TTLL6: variants seen among roughly 807,000 people sequenced by gnomAD.
The protein encoded by TTLL6 is tubulin tyrosine ligase like 6.
In TTLL6, 75 loss-of-function variants were observed where a neutral mutation model predicts 96.4. That is an observed-to-expected ratio of 0.78 (90% CI 0.65 to 0.94). TTLL6 has a LOEUF of 0.94. Among genes scored for constraint, TTLL6 ranks in the 40% least tolerant of loss-of-function variants. TTLL6 has a pLI of 0.00. For synonymous variants in TTLL6, 411 were observed against 419.4 expected (o/e 0.98, Z 0.24); for missense variants, 1,030 against 1,093.0 (o/e 0.94, Z 0.81).
At chr17:48,775,474 A>G (rs1011250184) in intron 13 of TTLL6, among the ~76,000 whole-genome samples, 3 of 151,298 alleles carry the variant, frequency 2.0e-5, no homozygotes, top group East Asian at 1.9e-4. Context: ...CCATATGATT[A>G]TATCACTTGA....
At chr17:48,784,416 T>A (rs1234617945) in intron 13 of TTLL6, among the ~76,000 whole-genome samples, 4 of 150,124 alleles carry the variant, frequency 2.7e-5, no homozygotes, top group South Asian at 2.1e-4. Context: ...AAAAAAAAAA[T>A]AAGATACACA....
chr17:48,804,515 A>G, intron 2 of TTLL6: 1 of 629,068 alleles, frequency 1.6e-6, no homozygotes, highest in South Asian at 1.5e-5. Flanking sequence ...GCTATTTTTT[A>G]AAGGCATCCT....
chr17:48,805,019 T>C, intron 1 of TTLL6, 28 bp from the exon 2 acceptor site: 1 of 1,527,734 alleles, frequency 6.5e-7, no homozygotes, highest in South Asian at 1.2e-5. Flanking sequence ...GGAGCCGCAG[T>C]TACAGAGATC....
In TTLL6 at chr17:48,786,383, C is replaced by T. The variant is rs188346334; in HGVS notation, c.1590-48G>A. On this transcript the variant is annotated intron_variant, in intron 11 of 15. Coordinates refer to ENST00000393382, the MANE Select transcript of TTLL6 (RefSeq NM_001130918.3). ...CATCATGGGGGTTAGAAATGCGCTG[C>T]GCAGGCAGGCATTCTCCTTGAGGGA... The T allele has an allele frequency of 2.0e-4, 319 of 1,610,706 alleles. 1 individual carries two copies. Among genetic ancestry groups the T allele is most frequent in the Admixed American group, 1.4e-3 (85 of 59,842 alleles).
rs1386330738 is a variant in TTLL6, at chr17:48,799,780, A to C, written c.612-20T>G. 1.3e-6 allele frequency: 2 copies of C among 1,549,420 alleles called. No homozygotes were observed. The highest frequency in any genetic ancestry group is 2.4e-5 in the South Asian group (2 of 83,970). ...CCCCAGCTACCAGAGCAGGGAGGGA[A>C]CAAGATACATCTTTAGCTGGGGAGC... is the stretch of plus-strand genomic sequence containing the variant. On this transcript the variant is annotated intron_variant, in intron 5 of 15. Coordinates refer to ENST00000393382, the MANE Select transcript of TTLL6 (RefSeq NM_001130918.3).
At chr17:48,788,106 C>A in intron 10 of TTLL6, 107 bp from the exon 11 acceptor site, 1 of 991,188 alleles carries the variant, frequency 1.0e-6, no homozygotes, top group Non-Finnish European at 1.5e-6. Flanking sequence ...AGGCCTTGCA[C>A]ATAATGGCGG....
intron 15 of TTLL6, among the ~76,000 whole-genome samples, chr17:48,764,707 A>C (rs2038559071): frequency 6.6e-6 from 1 of 152,196 alleles, no homozygotes; most frequent in African/African-American, 2.4e-5. Context: ...CATGCATTCC[A>C]ATGGACATTC....
At chr17:48,811,802 A>G (rs1439211700) in intron 1 of TTLL6, among the ~76,000 whole-genome samples, 2 of 147,594 alleles carry the variant, frequency 1.4e-5, no homozygotes, top group East Asian at 4.0e-4. Flanking sequence ...GGTTCCAGCT[A>G]TTCTTCTGCC....
At chr17:48,776,938 C>T (rs1041770382) in intron 13 of TTLL6, among the ~76,000 whole-genome samples, 6 of 150,866 alleles carry the variant, frequency 4.0e-5, no homozygotes, top group Admixed American at 6.6e-5. Flanking sequence ...AAGTGGAGGA[C>T]TTATATTATC....
intron 13 of TTLL6, among the ~76,000 whole-genome samples, chr17:48,770,949 C>CCAAA (rs1044140417): frequency 2.6e-5 from 4 of 151,792 alleles, no homozygotes; most frequent in Non-Finnish European, 5.9e-5. Flanking sequence ...AAAAAAACAA[C>CCAAA]CAAACAAACA....
At chr17:48,810,810 A>G (rs926283977) in intron 1 of TTLL6, among the ~76,000 whole-genome samples, 6 of 55,646 alleles carry the variant, frequency 1.1e-4, no homozygotes, top group African/African-American at 4.9e-4. Flanking sequence ...ATATACACAT[A>G]TATAGTATGT....
intron 5 of TTLL6, 40 bp downstream of exon 5, chr17:48,801,215 A>G: frequency 6.5e-7 from 1 of 1,527,490 alleles, no homozygotes; most frequent in South Asian, 1.2e-5. Context: ...GTAAATGGGG[A>G]GGGGAGTGGA....
At chr17:48,786,819 C>T (rs2039108209) in intron 11 of TTLL6, among the ~76,000 whole-genome samples, 1 of 149,060 alleles carries the variant, frequency 6.7e-6, no homozygotes, top group African/African-American at 2.5e-5. Context: ...GTTCTGGTCC[C>T]TCTTCTGTCA....
Position 48,801,671 on chromosome 17 carries a change from C to T in TTLL6, c.362-28G>A, listed in dbSNP as rs76888402. On this transcript the variant is annotated intron_variant, in intron 3 of 15. Coordinates refer to ENST00000393382, the MANE Select transcript of TTLL6 (RefSeq NM_001130918.3). ...ATTGAAGAAAGAAAGGCCTATTAGC[C>T]CAGGAAGTGGGGGAGGAGTATGGGG... The T allele has an allele frequency of 3.1e-3, 4,808 of 1,529,792 alleles. 24 individuals carry two copies. Among genetic ancestry groups the T allele is most frequent in the East Asian group, 0.019 (768 of 40,778 alleles). The allele number at this position is 1,529,792 out of a possible 1,614,324, so 94.8% of individuals were successfully genotyped here. A position where few individuals can be genotyped will look rare whatever the true frequency, so the allele number is the denominator to read the frequency against.
chr17:48,810,096 G>A (rs1339970206), intron 1 of TTLL6, among the ~76,000 whole-genome samples: 1 of 141,898 alleles, frequency 7.0e-6, no homozygotes, highest in Admixed American at 7.4e-5. Flanking sequence ...CCGAGATCAT[G>A]CCATTGTACT....
chr17:48,814,364 GT>G (rs1462935381), intron 1 of TTLL6, among the ~76,000 whole-genome samples: 1 of 141,902 alleles, frequency 7.0e-6, no homozygotes, highest in East Asian at 2.3e-4. Context: ...TACTACCAAT[GT>G]AACAAACACA....
At chr17:48,802,860 G>C (rs1286072512) in intron 3 of TTLL6, among the ~76,000 whole-genome samples, 1 of 144,536 alleles carries the variant, frequency 6.9e-6, no homozygotes, top group Non-Finnish European at 1.5e-5. Flanking sequence ...GACAGAGCGA[G>C]GCTCCATCTC....
chr17:48,791,821 G>T (rs1169279410), intron 8 of TTLL6, among the ~76,000 whole-genome samples: 1 of 152,186 alleles, frequency 6.6e-6, no homozygotes, highest in Non-Finnish European at 1.5e-5. Flanking sequence ...CCCCAGGGTG[G>T]GTGCAGATGC....
Position 48,791,458 on chromosome 17 carries a change from G to A in TTLL6, c.1144C>T (p.His382Tyr), listed in dbSNP as rs1435566677. ...TCAAAGCAGGCGCTGTTGAGTGTGT[G>A]GTTGGGGAAGCAGGTGTGGTAGTTA... ...RHNYHTCFPN[H>Y]TLNSACFEIL... The change falls in exon 9 of 16, where the codon CAC becomes TAC. Residue 382 changes from histidine (H) to tyrosine (Y), a missense_variant. Coordinates refer to ENST00000393382, the MANE Select transcript of TTLL6 (RefSeq NM_001130918.3). 2 of 1,614,230 alleles carry A rather than the reference G, an allele frequency of 1.2e-6. No individual in the cohort carries two copies. The highest frequency in any genetic ancestry group is 3.3e-5 in the Admixed American group (2 of 60,028).
Sources: allele counts gnomAD v4.1 joint callset (sites outside exome capture counted in the v4.1 genomes callset), GRCh38; gene constraint gnomAD v4.1.1; transcripts MANE v1.5; gene names NCBI Gene and HGNC (gene_info 2026-07-23, HGNC 2026-07-21).